SLC8A2: variants seen among roughly 807,000 people sequenced by gnomAD.
SLC8A2 encodes solute carrier family 8 member A2, also known as sodium/calcium exchanger 2.
Under a neutral mutation model 70.2 loss-of-function variants are expected in SLC8A2, and 14 were observed. That is an observed-to-expected ratio of 0.20 (90% confidence interval 0.13 to 0.31). SLC8A2 has a LOEUF of 0.31. SLC8A2 is among the 10% of genes least tolerant of loss of function. SLC8A2 has a pLI of 1.00. For missense variants in SLC8A2, 779 were observed against 1,320.1 expected, an observed-to-expected ratio of 0.59 and a Z score of 6.35; for synonymous variants, 575 against 594.3, an observed-to-expected ratio of 0.97 and a Z score of 0.47.
In SLC8A2 at chr19:47,432,152, C is replaced by A; in HGVS notation, c.2389+15G>T. The A allele has an allele frequency of 1.9e-6, 3 of 1,589,508 alleles. No individual in the cohort carries two copies. Among genetic ancestry groups the A allele is most frequent in the African/African-American group, 2.7e-5 (2 of 74,642 alleles). On this transcript the variant is annotated intron_variant, in intron 9 of 9. Coordinates refer to ENST00000236877, the MANE Select transcript of SLC8A2 (RefSeq NM_015063.3). The surrounding 1 kb of genome is among the most constrained non-coding windows in gnomAD (Gnocchi z 6.2). ...ATCTGAGATCCTACCCCACCAAAGT[C>A]TCCCAGGGTGTTACCAGGGATGGAG...
At chr19:47,435,542 T>C (rs1282600924) in intron 8 of SLC8A2, among the ~76,000 whole-genome samples, 1 of 141,138 alleles carries the variant, frequency 7.1e-6, no homozygotes, top group Non-Finnish European at 1.5e-5. Context: ...TGCTAGTTTC[T>C]TTTCTTCGTT....
intron 4 of SLC8A2, among the ~76,000 whole-genome samples, chr19:47,446,948 C>G (rs1967170600): frequency 6.6e-6 from 1 of 152,124 alleles, no homozygotes. Context: ...GCCCACCTCC[C>G]CAGACCCCAT....
rs1966925118 is a variant in SLC8A2, at chr19:47,429,692, GGT to G, written c.*395_*396del. On this transcript the variant is annotated 3_prime_UTR_variant, in exon 10 of 10. Transcript: ENST00000236877. ...GGGACATGGGGTGAAGTGGGGGGGGGGTCACTAGGGGAAGGGAGACTTTGGGG... is the reference window on the plus strand; with the variant it reads ...GGGACATGGGGTGAAGTGGGGGGGGGCACTAGGGGAAGGGAGACTTTGGGG... The G allele has an allele frequency of 5.0e-6, 1 of 200,820 alleles. No individual in the cohort carries two copies. Among genetic ancestry groups the G allele is most frequent in the Non-Finnish European group, 1.0e-5 (1 of 98,522 alleles). 12.4% of individuals were successfully genotyped at this position (200,820 alleles called of 1,614,324 possible).
chr19:47,466,005 G>A lies in SLC8A2; in HGVS notation c.399C>T (p.Leu133=), dbSNP rs201706722. 50 of 1,614,132 alleles carry A rather than the reference G, an allele frequency of 3.1e-5. No individual in the cohort carries two copies. In the East Asian group the frequency reaches 7.6e-4, roughly 24 times the overall value. ...IWNETVSNLT[L]MALGSSAPEI... ...CAGGTGCGGAGGAGCCCAGGGCCAT[G>A]AGCGTGAGGTTGGACACCGTCTCAT... Residue 133 remains leucine, a synonymous_variant, in exon 2 of 10, where the codon CTC becomes CTT. Coordinates refer to ENST00000236877, the MANE Select transcript of SLC8A2 (RefSeq NM_015063.3). The surrounding 1 kb of genome is among the most constrained non-coding windows in gnomAD (Gnocchi z 6.9).
At chr19:47,461,618 A>G (rs1967396144) in intron 2 of SLC8A2, among the ~76,000 whole-genome samples, 1 of 152,264 alleles carries the variant, frequency 6.6e-6, no homozygotes, top group Admixed American at 6.5e-5. Context: ...CTCAGAGAAC[A>G]GTCAAGACTT....
chr19:47,442,797 C>T (rs1213697383), intron 4 of SLC8A2, among the ~76,000 whole-genome samples: 1 of 152,162 alleles, frequency 6.6e-6, no homozygotes, highest in East Asian at 1.9e-4. Context: ...GATCCTCCTG[C>T]CTCAGCCTCT....
rs1445075299 is a variant in SLC8A2, at chr19:47,430,562, C to T, written c.2390-97G>A. On this transcript the variant is annotated intron_variant, in intron 9 of 9. Transcript: ENST00000236877. The surrounding 1 kb of genome is among the most constrained non-coding windows in gnomAD (Gnocchi z 5.9). ...CCTCCCAGCCTTTCCCGGTCGCCTG[C>T]TTTCTGCGGGCAGTGTGGGCTCAAG... The T allele has an allele frequency of 7.4e-7, 1 of 1,348,168 alleles. No individual in the cohort carries two copies. The highest frequency in any genetic ancestry group is 9.8e-7 in the Non-Finnish European group (1 of 1,016,166). 83.5% of individuals were successfully genotyped at this position (1,348,168 alleles called of 1,614,324 possible).
At chr19:47,464,431 C>G (rs1967433326) in intron 2 of SLC8A2, among the ~76,000 whole-genome samples, 1 of 152,142 alleles carries the variant, frequency 6.6e-6, no homozygotes, top group Admixed American at 6.6e-5. Context: ...TTTCTGAAAG[C>G]CTAAGTCAGG....
Position 47,447,809 on chromosome 19 carries a change from A to G in SLC8A2, c.1763T>C (p.Met588Thr), listed in dbSNP as rs776660043. 1.2e-5 allele frequency: 19 copies of G among 1,585,606 alleles called. No homozygotes were observed. Among genetic ancestry groups the G allele is most frequent in the Middle Eastern group, 1.7e-4 (1 of 5,870 alleles). ...GELEFGDDET[M>T]KTLQVKIVDD... Reference sequence around the variant, plus strand: ...TCCGGGCCGCCTCGGGCGTGCTCACATGGTCTCGTCGTCGCCAAACTCCAG... The same window carrying G: ...TCCGGGCCGCCTCGGGCGTGCTCACGTGGTCTCGTCGTCGCCAAACTCCAG... Residue 588 changes from methionine to threonine, a missense_variant and splice_region_variant, in exon 4 of 10, where the codon ATG becomes ACG. Physicochemically the swap from Met to Thr is moderately conservative, Grantham distance 81. Transcript: ENST00000236877. This position sits in a 1 kb window ranked among gnomAD's most constrained non-coding sequence, Gnocchi z 5.1.
intron 6 of SLC8A2, among the ~76,000 whole-genome samples, chr19:47,438,180 TG>T (rs1224512549): frequency 2.0e-5 from 3 of 152,128 alleles, no homozygotes; most frequent in Admixed American, 2.0e-4. Flanking sequence ...GATCTTTAGT[TG>T]GTGGGCTCTG....
chr19:47,450,770 T>C (rs771533510), intron 3 of SLC8A2, among the ~76,000 whole-genome samples: 3 of 152,042 alleles, frequency 2.0e-5, no homozygotes, highest in Non-Finnish European at 4.4e-5. Flanking sequence ...CGGTCAGGAT[T>C]CTGCAGTCCT....
chr19:47,469,978 G>A lies in SLC8A2; in HGVS notation c.-17+1811C>T, dbSNP rs145099481. On this transcript the variant is annotated intron_variant, in intron 1 of 9. Transcript: ENST00000236877. The stretch of plus-strand genomic sequence containing the variant: ...GGGTGGGTGCAGTCTGGCGTGCCAG[G>A]TAAGACCCGTCCTTCATATCCCTCA... Among the ~76,000 whole-genome samples the A allele has an allele frequency of 9.3e-4, 142 of 152,346 alleles. 2 individuals carry two copies. In the Middle Eastern group the frequency reaches 0.014, roughly 15 times the overall value.
Position 47,456,901 on chromosome 19 carries a change from C to T in SLC8A2, c.1340+29G>A, listed in dbSNP as rs1229498312. On this transcript the variant is annotated intron_variant, in intron 3 of 9. Transcript: ENST00000236877. ...GGGACCCACGGCCTGCGCCAGCCCC[C>T]TGCACACCCCCCACCCCGGGGGACC... The T allele has an allele frequency of 5.1e-6, 8 of 1,556,236 alleles. No homozygotes were observed. The South Asian group carries it at 9.7e-5, about 19-fold the overall frequency.
chr19:47,442,650 C>T (rs533286516), intron 4 of SLC8A2, among the ~76,000 whole-genome samples: 18 of 152,248 alleles, frequency 1.2e-4, no homozygotes, highest in South Asian at 8.3e-4. Context: ...CTCCAGCACT[C>T]CCTTATACTG....
In SLC8A2 at chr19:47,431,334, C is replaced by T. The variant is rs1966955426; in HGVS notation, c.2389+833G>A. Among the ~76,000 whole-genome samples, 6 of 152,132 alleles carry T rather than the reference C, an allele frequency of 3.9e-5. No individual in the cohort carries two copies. The South Asian group carries it at 1.0e-3, about 26-fold the overall frequency. ...TGCTGGCGTGAGCCACCACACCCCACCTGCCCCCTCATCTTAGTTAAAACT... is the reference window on the plus strand; with the variant it reads ...TGCTGGCGTGAGCCACCACACCCCATCTGCCCCCTCATCTTAGTTAAAACT... On this transcript the variant is annotated intron_variant, in intron 9 of 9. Coordinates refer to ENST00000236877, the MANE Select transcript of SLC8A2 (RefSeq NM_015063.3).
intron 2 of SLC8A2, among the ~76,000 whole-genome samples, chr19:47,458,229 C>T (rs1967340448): frequency 7.4e-6 from 1 of 134,938 alleles, no homozygotes; most frequent in Non-Finnish European, 1.6e-5. Context: ...TCATCTCTGC[C>T]TCCCCCCATG....
chr19:47,429,886 G>A lies in SLC8A2; in HGVS notation c.*203C>T. 1 of 608,332 alleles carries A rather than the reference G, an allele frequency of 1.6e-6. No homozygotes were observed. The highest frequency in any genetic ancestry group is 2.0e-5 in the South Asian group (1 of 49,694). 37.7% of individuals were successfully genotyped at this position (608,332 alleles called of 1,614,324 possible). A position where few individuals can be genotyped will look rare whatever the true frequency, so the allele number is the denominator to read the frequency against. Reference sequence around the variant, plus strand: ...GTCACCGCAGGGGAGGAACCGGGGAGGCTCCCGAGAGGAAGAGGGAAGGCT... The same window carrying A: ...GTCACCGCAGGGGAGGAACCGGGGAAGCTCCCGAGAGGAAGAGGGAAGGCT... On this transcript the variant is annotated 3_prime_UTR_variant, in exon 10 of 10. Transcript: ENST00000236877.
At chr19:47,464,649 A>G (rs1399551150) in intron 2 of SLC8A2, among the ~76,000 whole-genome samples, 2 of 152,164 alleles carry the variant, frequency 1.3e-5, no homozygotes, top group African/African-American at 2.4e-5. Flanking sequence ...GCATTTTTCT[A>G]TCTCTAGCTT....
Position 47,457,103 on chromosome 19 carries a change from T to C in SLC8A2, c.1167A>G (p.Glu389=), listed in dbSNP as rs1157892720. The change falls in exon 3 of 10, where the codon GAA becomes GAG. Residue 389 remains glutamate, a synonymous_variant. Coordinates refer to ENST00000236877, the MANE Select transcript of SLC8A2 (RefSeq NM_015063.3). ...AAPAEGAGED[E]DDGASRIFFE... ...AGAAGATGCGGCTGGCGCCGTCGTC[T>C]TCGTCCTCGCCCGCGCCCTCGGCCG... 4.5e-6 allele frequency: 7 copies of C among 1,558,156 alleles called. No individual in the cohort carries two copies. Among genetic ancestry groups the C allele is most frequent in the Non-Finnish European group, 6.1e-6 (7 of 1,151,948 alleles).
Sources: allele counts gnomAD v4.1 joint callset (sites outside exome capture counted in the v4.1 genomes callset), GRCh38; gene constraint gnomAD v4.1.1; non-coding constraint Gnocchi (gnomAD v3.1); transcripts MANE v1.5; gene names NCBI Gene and HGNC (gene_info 2026-07-23, HGNC 2026-07-21).